FAF1: variants seen among roughly 807,000 people sequenced by gnomAD.
FAF1 encodes the protein FAS-associated factor 1.
In FAF1, 25 loss-of-function variants were observed where a neutral mutation model predicts 92.5. That is an observed-to-expected ratio of 0.27 (90% confidence interval 0.20 to 0.38). FAF1 has a LOEUF of 0.38. Among genes scored for constraint, FAF1 ranks in the 10% least tolerant of loss-of-function variants. FAF1 has a pLI of 1.00. For synonymous variants in FAF1, 234 were observed against 273.2 expected, an observed-to-expected ratio of 0.86 and a Z score of 1.42; for missense variants, 636 against 793.3, an observed-to-expected ratio of 0.80 and a Z score of 2.38.
intron 7 of FAF1, among the ~76,000 whole-genome samples, chr1:50,688,540 C>T (rs1004297568): frequency 2.6e-5 from 4 of 152,164 alleles, no homozygotes; most frequent in African/African-American, 4.8e-5. Flanking sequence ...CGGCCAGGCG[C>T]GGTGGCTCAC....
intron 9 of FAF1, among the ~76,000 whole-genome samples, chr1:50,592,042 A>G (rs1358131604): frequency 6.6e-6 from 1 of 152,158 alleles, no homozygotes; most frequent in Non-Finnish European, 1.5e-5. Context: ...TGTTAGGGCT[A>G]CAGAGGGGAG....
intron 6 of FAF1, among the ~76,000 whole-genome samples, chr1:50,729,060 T>TA (rs1557497314): frequency 2.4e-4 from 18 of 76,466 alleles, no homozygotes; most frequent in South Asian, 1.3e-3. Context: ...ATATATATAT[T>TA]TTTTTTTTTT....
intron 13 of FAF1, among the ~76,000 whole-genome samples, chr1:50,547,474 C>G (rs1197421446): frequency 6.6e-6 from 1 of 151,464 alleles, no homozygotes; most frequent in East Asian, 1.9e-4. Flanking sequence ...AGTGCAACGG[C>G]GTGATCTAGG....
At chr1:50,822,558 T>C (rs940723540) in intron 2 of FAF1, among the ~76,000 whole-genome samples, 3 of 152,186 alleles carry the variant, frequency 2.0e-5, no homozygotes, top group African/African-American at 7.2e-5. Flanking sequence ...GATTAGACTT[T>C]AGTCAGCCTC....
At chr1:50,655,794 T>C (rs1025879683) in intron 7 of FAF1, among the ~76,000 whole-genome samples, 15 of 152,186 alleles carry the variant, frequency 9.9e-5, no homozygotes, top group African/African-American at 3.6e-4. Flanking sequence ...CTTCATTTCT[T>C]TTCAGTCAAG....
intron 13 of FAF1, among the ~76,000 whole-genome samples, chr1:50,561,894 G>T (rs954916345): frequency 4.2e-5 from 6 of 142,952 alleles, no homozygotes; most frequent in South Asian, 2.2e-4. Flanking sequence ...AGGAAGGAAG[G>T]AAGTTGTGTA....
At chr1:50,900,468 TAGA>T (rs1644787516) in intron 1 of FAF1, among the ~76,000 whole-genome samples, 2 of 152,144 alleles carry the variant, frequency 1.3e-5, no homozygotes, top group Admixed American at 6.6e-5. Flanking sequence ...GATGGATGGA[TAGA>T]AGCAATTTTG....
intron 4 of FAF1, among the ~76,000 whole-genome samples, chr1:50,754,329 G>A (rs1659990478): frequency 6.6e-6 from 1 of 152,162 alleles, no homozygotes; most frequent in South Asian, 2.1e-4. Context: ...CATTGCCCAA[G>A]CAGTATTTAA....
chr1:50,544,744 G>A (rs1256234551), intron 13 of FAF1, among the ~76,000 whole-genome samples: 2 of 152,132 alleles, frequency 1.3e-5, no homozygotes, highest in Non-Finnish European at 2.9e-5. Flanking sequence ...AACAAAGCAG[G>A]GAAGGGGAGG....
intron 2 of FAF1, among the ~76,000 whole-genome samples, chr1:50,814,290 A>C (rs1202159282): frequency 6.6e-6 from 1 of 152,202 alleles, no homozygotes; most frequent in Non-Finnish European, 1.5e-5. Context: ...TACAGTATAC[A>C]TAGTAAGTAT....
intron 6 of FAF1, among the ~76,000 whole-genome samples, chr1:50,713,155 C>CA (rs371395514): frequency 0.2 from 9,038 of 46,130 alleles, 849 homozygotes; most frequent in Non-Finnish European, 0.27. Flanking sequence ...GCCAGACCCT[C>CA]AAAAAAAAAA....
At chr1:50,931,593 C>T (rs1299962143) in intron 1 of FAF1, among the ~76,000 whole-genome samples, 2 of 152,050 alleles carry the variant, frequency 1.3e-5, no homozygotes, top group African/African-American at 4.8e-5. Context: ...CGTGGGTGGG[C>T]GCAGTGACTC....
intron 1 of FAF1, among the ~76,000 whole-genome samples, chr1:50,936,884 G>C (rs905244802): frequency 3.9e-5 from 6 of 152,090 alleles, no homozygotes; most frequent in Non-Finnish European, 8.8e-5. Flanking sequence ...TTTTACACTG[G>C]GAGAAACTTG....
At chr1:50,468,227 C>T (rs370381814) in intron 18 of FAF1, among the ~76,000 whole-genome samples, 71 of 152,012 alleles carry the variant, frequency 4.7e-4, no homozygotes, top group South Asian at 1.7e-3. Context: ...ACAACAACAA[C>T]AACAAAACTG....
At chr1:50,451,234 G>A (rs1254030979) in intron 18 of FAF1, among the ~76,000 whole-genome samples, 1 of 152,218 alleles carries the variant, frequency 6.6e-6, no homozygotes, top group Non-Finnish European at 1.5e-5. Flanking sequence ...GGGGAGAAAA[G>A]ATTAAAGTAA....
At chr1:50,729,289 A>C (rs1035372480) in intron 6 of FAF1, among the ~76,000 whole-genome samples, 1 of 151,662 alleles carries the variant, frequency 6.6e-6, no homozygotes, top group African/African-American at 2.4e-5. Context: ...TCCCGACCTC[A>C]GGTGATCCAC....
chr1:50,774,091 C>T (rs1660867913), intron 4 of FAF1, among the ~76,000 whole-genome samples: 1 of 152,180 alleles, frequency 6.6e-6, no homozygotes, highest in African/African-American at 2.4e-5. Flanking sequence ...TTGGGGAGTA[C>T]ACAATTGATG....
At chr1:50,876,701 T>C (rs1644574866) in intron 1 of FAF1, among the ~76,000 whole-genome samples, 1 of 152,188 alleles carries the variant, frequency 6.6e-6, no homozygotes, top group African/African-American at 2.4e-5. Flanking sequence ...TTCTCCTACC[T>C]CGGCCTCCTG....
intron 4 of FAF1, among the ~76,000 whole-genome samples, chr1:50,765,173 A>C (rs1306540444): frequency 2.6e-5 from 4 of 152,350 alleles, no homozygotes; most frequent in East Asian, 3.9e-4. Flanking sequence ...AATAATTCCA[A>C]GTGGATATTT....
Sources: allele counts gnomAD v4.1 joint callset (sites outside exome capture counted in the v4.1 genomes callset), GRCh38; gene constraint gnomAD v4.1.1; transcripts MANE v1.5; gene names NCBI Gene and HGNC (gene_info 2026-07-23, HGNC 2026-07-21).